TENM2: variants seen among roughly 807,000 people sequenced by gnomAD.
TENM2 encodes the protein teneurin-2.
Under a neutral mutation model 245.2 loss-of-function variants are expected in TENM2, and 52 were observed. The observed-to-expected ratio is 0.21, with a 90% CI of 0.17 to 0.27. The LOEUF is 0.27. Among genes scored for constraint, TENM2 ranks in the 10% least tolerant of loss-of-function variants. The pLI is 1.00. For missense variants in TENM2, 3,046 were observed against 3,666.8 expected (o/e 0.83, Z 4.37); for synonymous variants, 1,363 against 1,438.9 (o/e 0.95, Z 1.19).
rs1456481898 is a variant in TENM2 at position 167,314,660 on chromosome 5, TCA to T, written c.226+29600_226+29601del. On this transcript the variant is annotated intron_variant, in intron 1 of 28. Coordinates refer to ENST00000518659, the Ensembl canonical transcript of TENM2. ...TAGGACATCACCATCTAATACAATT[TCA>T]CAGAGTTGATGAACAATTTGTTTGC... is the stretch of plus-strand genomic sequence containing the variant. Among the ~76,000 whole-genome samples the T allele has an allele frequency of 2.0e-5, 3 of 152,222 alleles. No individual in the cohort carries two copies. In the East Asian group the frequency reaches 5.8e-4, roughly 29 times the overall value.
At chr5:168,222,345 G>A (rs150770614) in intron 23 of TENM2, among the ~76,000 whole-genome samples, 1 of 152,202 alleles carries the variant, frequency 6.6e-6, no homozygotes, top group Non-Finnish European at 1.5e-5. Flanking sequence ...CCCTTAAAAA[G>A]AGGCCCTCCA....
intron 7 of TENM2, among the ~76,000 whole-genome samples, chr5:168,075,492 C>A (rs1446264179): frequency 6.6e-6 from 1 of 152,150 alleles, no homozygotes; most frequent in Non-Finnish European, 1.5e-5. Flanking sequence ...TAATAGAGGA[C>A]AATGCCACCA....
At chr5:167,506,768 G>A (rs774668765) in intron 2 of TENM2, among the ~76,000 whole-genome samples, 5 of 152,180 alleles carry the variant, frequency 3.3e-5, no homozygotes, top group Admixed American at 1.3e-4. Flanking sequence ...TCTTGTTGCC[G>A]AATATGAGTG....
chr5:167,497,324 G>A (rs147294335), intron 2 of TENM2, among the ~76,000 whole-genome samples: 1 of 152,180 alleles, frequency 6.6e-6, no homozygotes, highest in East Asian at 1.9e-4. Context: ...AAGCTAGCTG[G>A]CTGGCAGCAG....
At chr5:167,425,991 G>A (rs1050025221) in intron 2 of TENM2, among the ~76,000 whole-genome samples, 2 of 152,032 alleles carry the variant, frequency 1.3e-5, no homozygotes, top group African/African-American at 2.4e-5. Context: ...TTGTGAGTAA[G>A]GGTTTTTATG....
chr5:167,376,003 A>T (rs901872482), intron 2 of TENM2, among the ~76,000 whole-genome samples: 1 of 152,170 alleles, frequency 6.6e-6, no homozygotes, highest in Non-Finnish European at 1.5e-5. Context: ...TCTTCAGAAA[A>T]AGAATTCTTT....
At chr5:167,375,565 A>G (rs1367565661) in intron 2 of TENM2, 92 bp downstream of exon 4, 2 of 1,328,398 alleles carry the variant, frequency 1.5e-6, no homozygotes, top group African/African-American at 1.5e-5. Context: ...GCGGCGTCAT[A>G]AAACCATTCA....
intron 2 of TENM2, among the ~76,000 whole-genome samples, chr5:167,474,126 G>GT (rs1767216913): frequency 6.6e-6 from 1 of 150,618 alleles, no homozygotes; most frequent in South Asian, 2.1e-4. Flanking sequence ...AAATAAAAAT[G>GT]TTTTTTGTCA....
chr5:167,117,970 C>T, the TENM2 span, among the ~76,000 whole-genome samples: 2 of 152,166 alleles, frequency 1.3e-5, no homozygotes, highest in Admixed American at 6.5e-5. Context: ...ACACCATGGG[C>T]AAAGGAAACA....
the TENM2 span, among the ~76,000 whole-genome samples, chr5:167,110,054 T>C: frequency 1.3e-5 from 2 of 152,186 alleles, no homozygotes; most frequent in Non-Finnish European, 2.9e-5. Flanking sequence ...TCAATTTCTT[T>C]TGCCCTTACC....
At chr5:167,400,399 A>G (rs1352607433) in intron 2 of TENM2, among the ~76,000 whole-genome samples, 1 of 152,082 alleles carries the variant, frequency 6.6e-6, no homozygotes, top group East Asian at 1.9e-4. Context: ...TGACTAGGTT[A>G]GAGTATAGTC....
At chr5:168,246,680 G>A in intron 26 of TENM2, 77 bp from the exon 29 acceptor site, 6 of 1,391,660 alleles carry the variant, frequency 4.3e-6, no homozygotes, top group Non-Finnish European at 6.0e-6. Flanking sequence ...TTGGGGAAAT[G>A]GACTAAATTC....
At chr5:168,036,205 A>G (rs1283417683) in intron 5 of TENM2, among the ~76,000 whole-genome samples, 1 of 152,070 alleles carries the variant, frequency 6.6e-6, no homozygotes, top group Non-Finnish European at 1.5e-5. Flanking sequence ...GTCGAATGTC[A>G]CTCTGCTGTC....
At chr5:167,117,979 C>T in the TENM2 span, among the ~76,000 whole-genome samples, 4 of 152,328 alleles carry the variant, frequency 2.6e-5, no homozygotes, top group East Asian at 1.9e-4. Context: ...GCAAAGGAAA[C>T]ACCGCAGTCC....
At chr5:167,729,840 A>C (rs1460200981) in intron 2 of TENM2, among the ~76,000 whole-genome samples, 1 of 152,216 alleles carries the variant, frequency 6.6e-6, no homozygotes, top group Admixed American at 6.5e-5. Flanking sequence ...GCTGGCAATA[A>C]ATGGCCACAT....
chr5:168,176,685 T>C (rs1334366028), intron 13 of TENM2, among the ~76,000 whole-genome samples: 1 of 152,224 alleles, frequency 6.6e-6, no homozygotes, highest in African/African-American at 2.4e-5. Flanking sequence ...TCTAGGGCCA[T>C]AATCACAGGG....
chr5:167,024,337 GC>G, the TENM2 span, among the ~76,000 whole-genome samples: 1 of 152,176 alleles, frequency 6.6e-6, no homozygotes, highest in East Asian at 1.9e-4. Flanking sequence ...TTATTGAAGT[GC>G]CCTTGTTTGC....
At chr5:167,944,511 GC>G (rs1406485379) in intron 3 of TENM2, among the ~76,000 whole-genome samples, 1 of 152,136 alleles carries the variant, frequency 6.6e-6, no homozygotes, top group African/African-American at 2.4e-5. Context: ...TAGGCAGTGT[GC>G]CCCGTTTGAG....
At chr5:167,856,796 T>C (rs192463579) in intron 2 of TENM2, among the ~76,000 whole-genome samples, 2 of 152,306 alleles carry the variant, frequency 1.3e-5, no homozygotes, top group African/African-American at 4.8e-5. Flanking sequence ...GCCAAAACAT[T>C]GTCTACAGCC....
Sources: allele counts gnomAD v4.1 joint callset (sites outside exome capture counted in the v4.1 genomes callset), GRCh38; gene constraint gnomAD v4.1.1; transcripts MANE v1.5; gene names NCBI Gene and HGNC (gene_info 2026-07-23, HGNC 2026-07-21).